The following VWA5B1 variants were observed in gnomAD, a reference collection of about 807,000 sequenced individuals.
VWA5B1 encodes von Willebrand factor A domain-containing protein 5B1.
Under a neutral mutation model 118.2 loss-of-function variants are expected in VWA5B1, and 115 were observed. The observed-to-expected ratio is 0.97, with a 90% CI of 0.84 to 1.14. The LOEUF (loss-of-function observed/expected upper bound fraction) is 1.14, where lower values mean the gene tolerates loss of function less well. Ranked by LOEUF, VWA5B1 falls within the 50% of genes most tolerant of loss-of-function variation. The probability of loss-of-function intolerance (pLI) is 0.00; values close to 1 mark genes in which losing one functional copy is unlikely to be tolerated. For missense variants in VWA5B1, 1,596 were observed against 1,603.8 expected (o/e 1.00, Z 0.08); for synonymous variants, 682 against 658.4 (o/e 1.04, Z -0.55).
chr1:20,344,436 A>G (rs559545667), intron 16 of VWA5B1, among the ~76,000 whole-genome samples: 1 of 152,328 alleles, frequency 6.6e-6, no homozygotes, highest in Non-Finnish European at 1.5e-5. Context: ...GCCCAGTGAA[A>G]AAGCAATCTC....
At chr1:20,305,060 C>T (rs1305024281) in intron 1 of VWA5B1, among the ~76,000 whole-genome samples, 1 of 152,128 alleles carries the variant, frequency 6.6e-6, no homozygotes, top group Non-Finnish European at 1.5e-5. Context: ...AAAATCCTGG[C>T]CCTCACAGGG....
chr1:20,323,273 G>C, intron 7 of VWA5B1, 83 bp from the exon 8 acceptor site: 2 of 1,277,064 alleles, frequency 1.6e-6, no homozygotes, highest in Non-Finnish European at 2.0e-6. Context: ...GTGGGTGCAC[G>C]GTGAGTGACG....
At chr1:20,306,124 A>G (rs2088644991) in intron 1 of VWA5B1, among the ~76,000 whole-genome samples, 1 of 152,158 alleles carries the variant, frequency 6.6e-6, no homozygotes, top group Admixed American at 6.5e-5. Flanking sequence ...CATGCTATGG[A>G]AAAAACTCCA....
intron 1 of VWA5B1, among the ~76,000 whole-genome samples, chr1:20,300,111 G>T (rs909805893): frequency 1.3e-5 from 2 of 152,148 alleles, no homozygotes; most frequent in African/African-American, 4.8e-5. Context: ...TAACCCTGAG[G>T]TTTTCTTCAC....
At chr1:20,327,774 A>T in intron 8 of VWA5B1, 116 bp from the exon 9 acceptor site, 3 of 856,006 alleles carry the variant, frequency 3.5e-6, no homozygotes, top group Non-Finnish European at 5.7e-6. Context: ...CAGACAGAGG[A>T]GGGTAAAGGT....
At chr1:20,340,205 A>G (rs554845218) in intron 14 of VWA5B1, among the ~76,000 whole-genome samples, 1 of 151,236 alleles carries the variant, frequency 6.6e-6, no homozygotes, top group East Asian at 2.0e-4. Context: ...GCGCGCACAC[A>G]CACACACACA....
At chr1:20,323,283 G>C in intron 7 of VWA5B1, 73 bp from the exon 8 acceptor site, 1 of 1,309,482 alleles carries the variant, frequency 7.6e-7, no homozygotes. Context: ...GGTGAGTGAC[G>C]GGGACCAGCA....
intron 1 of VWA5B1, among the ~76,000 whole-genome samples, chr1:20,297,928 T>C (rs545631367): frequency 9.3e-5 from 14 of 149,898 alleles, no homozygotes; most frequent in Admixed American, 7.3e-4. Flanking sequence ...GTGAAAGTGC[T>C]TTAATTATAA....
chr1:20,319,595 T>C (rs1570117212), intron 7 of VWA5B1, 89 bp downstream of exon 7: 3 of 1,511,506 alleles, frequency 2.0e-6, no homozygotes, highest in Admixed American at 2.0e-5. Context: ...GGTGGGGAGG[T>C]AACCTGCCCG....
At chr1:20,342,669 T>C in intron 15 of VWA5B1, 60 bp downstream of exon 15, 2 of 1,438,502 alleles carry the variant, frequency 1.4e-6, no homozygotes, top group South Asian at 3.0e-5. Flanking sequence ...TGGCTGTTGT[T>C]CAACTTCAGA....
Position 20,310,748 on chromosome 1 carries a change from C to T in VWA5B1, c.139+8C>T. The T allele has an allele frequency of 1.3e-6, 2 of 1,538,274 alleles. No homozygotes were observed. The highest frequency in any genetic ancestry group is 1.8e-6 in the Non-Finnish European group (2 of 1,141,948). ...AAGCCCAGCCCTTCCAGGGTAAGGA[C>T]ACCTGCTGGGGCCTCCCCGGGACCA... is the stretch of plus-strand genomic sequence containing the variant. On this transcript the variant is annotated splice_region_variant and intron_variant, in intron 2 of 21. Coordinates refer to ENST00000289815, the MANE Select transcript of VWA5B1 (RefSeq NM_001039500.3).
chr1:20,327,694 G>GTGA (rs1045641068), intron 8 of VWA5B1, among the ~76,000 whole-genome samples, 196 bp from the exon 9 acceptor site: 1 of 151,992 alleles, frequency 6.6e-6, no homozygotes, highest in Non-Finnish European at 1.5e-5. Context: ...GGTGGTGGTG[G>GTGA]TGGCTTTGGT....
At chr1:20,311,925 CAG>C (rs113530422) in intron 2 of VWA5B1, among the ~76,000 whole-genome samples, 6 of 152,306 alleles carry the variant, frequency 3.9e-5, no homozygotes, top group African/African-American at 1.4e-4. Context: ...CCTGTGGACT[CAG>C]GGGGCTAAAT....
At position 20,329,252 on chromosome 1, in the gene VWA5B1, G is replaced by A. The variant is rs531660570; in HGVS notation, c.1255-928G>A. Among the ~76,000 whole-genome samples the A allele has an allele frequency of 7.9e-5, 11 of 139,908 alleles. No individual in the cohort carries two copies. In the East Asian group the frequency reaches 1.8e-3, roughly 23 times the overall value. The allele number at this position is 139,908 out of a possible 152,430, so 91.8% of individuals were successfully genotyped here. A position where few individuals can be genotyped will look rare whatever the true frequency, so the allele number is the denominator to read the frequency against. ...ATACATCTTAAGACTTTTGAAACATGCCATTACTGCTTTTTTTTTTCTTTT... is the reference window on the plus strand; with the variant it reads ...ATACATCTTAAGACTTTTGAAACATACCATTACTGCTTTTTTTTTTCTTTT... On this transcript the variant is annotated intron_variant, in intron 9 of 21. Transcript: ENST00000289815.
rs993892523 is a variant in VWA5B1, at chr1:20,336,396, G to A, written c.1852G>A (p.Gly618Arg). The change falls in exon 13 of 22, where the codon GGA (glycine) becomes AGA (arginine). Residue 618 changes from glycine to arginine, a missense_variant. Physicochemically the swap from Gly to Arg is moderately radical, Grantham distance 125. Transcript: ENST00000289815. ...GGATGACGGACCCGGGCTGGAAGGT[G>A]GAGACTGTGCCAAGAACTCGGGGGC... The part of the protein sequence containing the change: ...SQDDGPGLEG[G>R]DCAKNSGAPF... The A allele has an allele frequency of 6.5e-5, 100 of 1,530,432 alleles. No individual in the cohort carries two copies. The highest frequency in any genetic ancestry group is 8.4e-5 in the Non-Finnish European group (96 of 1,136,432). 94.8% of individuals were successfully genotyped at this position (1,530,432 alleles called of 1,614,324 possible).
chr1:20,343,445 C>A, intron 16 of VWA5B1, 52 bp downstream of exon 16: 1 of 1,463,672 alleles, frequency 6.8e-7, no homozygotes, highest in South Asian at 1.4e-5. Flanking sequence ...GGAGGACAGC[C>A]CCGCTCCACA....
rs560439928 is a variant in VWA5B1, at chr1:20,343,296, T to A, written c.2529T>A (p.Asp843Glu). 2 of 1,547,446 alleles carry A rather than the reference T, an allele frequency of 1.3e-6. No homozygotes were observed. Among genetic ancestry groups the A allele is most frequent in the Admixed American group, 3.9e-5 (2 of 50,984 alleles). ...TPGPERGGAQ[D>E]ADLWSETFHH... ...GACCGGAGCGGGGCGGCGCGCAGGA[T>A]GCCGACCTATGGAGCGAGACCTTCC... is the stretch of plus-strand genomic sequence containing the variant. The change falls in exon 16 of 22, where the codon GAT becomes GAA. Residue 843 changes from aspartate (D) to glutamate (E), a missense_variant. Asp to Glu is a conservative substitution (Grantham distance 45). Coordinates refer to ENST00000289815, the MANE Select transcript of VWA5B1 (RefSeq NM_001039500.3).
At chr1:20,313,464 TCA>T (rs1279315523) in intron 3 of VWA5B1, among the ~76,000 whole-genome samples, 1 of 152,128 alleles carries the variant, frequency 6.6e-6, no homozygotes, top group African/African-American at 2.4e-5. Flanking sequence ...AGGACTCACA[TCA>T]CAGTAAATAC....
chr1:20,304,732 G>A (rs2088597657), intron 1 of VWA5B1, among the ~76,000 whole-genome samples: 1 of 152,098 alleles, frequency 6.6e-6, no homozygotes, highest in Non-Finnish European at 1.5e-5. Flanking sequence ...AGGCAGAGGT[G>A]ACAAGGCTTG....
Sources: allele counts gnomAD v4.1 joint callset (sites outside exome capture counted in the v4.1 genomes callset), GRCh38; gene constraint gnomAD v4.1.1; transcripts MANE v1.5; gene names NCBI Gene and HGNC (gene_info 2026-07-23, HGNC 2026-07-21).